The following GTF2IRD2 variants were observed in gnomAD, a reference collection of about 807,000 sequenced individuals.
The protein encoded by GTF2IRD2 is general transcription factor II-I repeat domain-containing protein 2A.
Under a neutral mutation model 49.2 loss-of-function variants are expected in GTF2IRD2, and 8 were observed. The ratio of observed to expected loss-of-function variants is 0.16; its 90% confidence interval spans 0.10 to 0.29. The LOEUF is 0.29. GTF2IRD2 is among the 10% of genes least tolerant of loss of function. The pLI, the probability that GTF2IRD2 is intolerant of heterozygous loss-of-function variation, is 1.00. For missense variants in GTF2IRD2, 130 were observed against 725.7 expected (o/e 0.18, Z 9.43); for synonymous variants, 47 against 289.7 (o/e 0.16, Z 8.51).
chr7:74,839,898 G>A (rs1800640700), intron 1 of GTF2IRD2, among the ~76,000 whole-genome samples: 1 of 133,332 alleles, frequency 7.5e-6, no homozygotes, highest in Non-Finnish European at 1.6e-5. Context: ...TACTCCGGAG[G>A]CTGAGGCAGG....
chr7:74,808,787 C>G (rs1381707714), intron 11 of GTF2IRD2, among the ~76,000 whole-genome samples: 29 of 74,940 alleles, frequency 3.9e-4, no homozygotes, highest in African/African-American at 1.0e-3. Context: ...ACCCAGGCTG[C>G]AGTACAGTGG....
intron 3 of GTF2IRD2, among the ~76,000 whole-genome samples, chr7:74,828,730 ACACAGTTTTGGAAGT>A (rs1238170514): frequency 1.5e-5 from 1 of 65,688 alleles, no homozygotes. Flanking sequence ...CTTCTGTTCA[ACACAGTTTTGGAAGT>A]CCTAGCCGAG....
At chr7:74,818,445 CCT>C (rs781997059) in intron 8 of GTF2IRD2, among the ~76,000 whole-genome samples, 6 of 99,358 alleles carry the variant, frequency 6.0e-5, no homozygotes, top group South Asian at 3.5e-4. Context: ...TAGAAGGCTC[CCT>C]CTCTCTCTCT....
chr7:74,822,453 G>T lies in GTF2IRD2; in HGVS notation c.545C>A (p.Pro182His). Reference sequence around the variant, plus strand: ...CAGCTGACTCTCTGGTCCTAGGAAGGGTCTGCAAGAAAAGCAACACCATTA... The same window carrying T: ...CAGCTGACTCTCTGGTCCTAGGAAGTGTCTGCAAGAAAAGCAACACCATTA... ...KAGISFIINR[P>H]FLGPESQLGG... The change falls in exon 6 of 16, where the codon CCC becomes CAC. Residue 182 changes from proline (P) to histidine (H), a missense_variant and splice_region_variant. By Grantham distance (77) the Pro-to-His change is moderately conservative. Coordinates refer to ENST00000451013, the MANE Select transcript of GTF2IRD2 (RefSeq NM_173537.5). 2 of 860,512 alleles carry T rather than the reference G, an allele frequency of 2.3e-6. No homozygotes were observed. The highest frequency in any genetic ancestry group is 2.6e-5 in the East Asian group (1 of 37,998). 53.3% of individuals were successfully genotyped at this position (860,512 alleles called of 1,614,324 possible).
chr7:74,842,231 CT>C (rs71267867), intron 1 of GTF2IRD2, among the ~76,000 whole-genome samples: 1,472 of 121,850 alleles, frequency 0.012, 62 homozygotes, highest in Middle Eastern at 0.018. Context: ...TTTTAATTTT[CT>C]TTTTTTTTTT....
rs1554416147 is a variant in GTF2IRD2 at position 74,796,515 on chromosome 7, T to C, written c.*147A>G. The C allele has an allele frequency of 6.8e-6, 4 of 587,500 alleles. No homozygotes were observed. The Admixed American group carries it at 1.2e-4, about 18-fold the overall frequency. The allele number at this position is 587,500 out of a possible 1,614,324, so 36.4% of individuals were successfully genotyped here. On this transcript the variant is annotated 3_prime_UTR_variant, in exon 16 of 16. Transcript: ENST00000451013. ...AGCTGGAAGTTGCAGTAAGCCGAGA[T>C]CACGCCACTGCACTCCAACCTGGGC...
At chr7:74,799,086 T>C (rs1339099522) in intron 15 of GTF2IRD2, 2 of 115,660 alleles carry the variant, frequency 1.7e-5, no homozygotes, top group African/African-American at 3.4e-5. Flanking sequence ...GCTCAAGCGA[T>C]CCACCCGCCT....
chr7:74,838,379 A>AC lies in GTF2IRD2; in HGVS notation c.-5-1997_-5-1996insG, dbSNP rs1800495911. On this transcript the variant is annotated intron_variant, in intron 1 of 15. Coordinates refer to ENST00000451013, the MANE Select transcript of GTF2IRD2 (RefSeq NM_173537.5). ...AAAGCTCACTCTAAATTTTGCCAAGATTTTTTTTTTTTTTTTTAGCTTTTT... is the reference window on the plus strand; with the variant it reads ...AAAGCTCACTCTAAATTTTGCCAAGACTTTTTTTTTTTTTTTTTAGCTTTTT... Among the ~76,000 whole-genome samples the AC allele has an allele frequency of 1.9e-5, 2 of 107,258 alleles. 1 individual carries two copies. The allele number at this position is 107,258 out of a possible 152,430, so 70.4% of individuals were successfully genotyped here. A position where few individuals can be genotyped will look rare whatever the true frequency, so the allele number is the denominator to read the frequency against.
chr7:74,842,008 C>T (rs1306362560), intron 1 of GTF2IRD2, among the ~76,000 whole-genome samples: 3 of 129,014 alleles, frequency 2.3e-5, no homozygotes, highest in African/African-American at 9.9e-5. Context: ...CCTGTAGTCC[C>T]AGCTACTCGG....
At chr7:74,823,687 TG>T (rs201963585) in intron 4 of GTF2IRD2, among the ~76,000 whole-genome samples, 4,912 of 138,148 alleles carry the variant, frequency 0.036, 232 homozygotes, top group Non-Finnish European at 0.048. Context: ...GTAGGTGGAG[TG>T]ACAACTGAGG....
chr7:74,829,895 A>AAAAAAAAAAAAAG (rs1799694732), intron 3 of GTF2IRD2, among the ~76,000 whole-genome samples: 2 of 35,266 alleles, frequency 5.7e-5, no homozygotes, highest in African/African-American at 3.0e-4. Context: ...CTCAAAAAAA[A>AAAAAAAAAAAAAG]AAAAAAATTC....
rs2953664 is a variant in GTF2IRD2, at chr7:74,842,326, T to C, written c.-5-5943A>G. On this transcript the variant is annotated intron_variant, in intron 1 of 15. Transcript: ENST00000451013. ...TTCACTGCAACCTCTGCCTTCTGGG[T>C]TCAAGCGATTCTCCTGCCTCAGCCT... Among the ~76,000 whole-genome samples, 159 of 131,578 alleles carry C rather than the reference T, an allele frequency of 1.2e-3. 5 individuals are homozygous for C. Among genetic ancestry groups the C allele is most frequent in the African/African-American group, 3.9e-3 (125 of 31,752 alleles). 86.3% of individuals were successfully genotyped at this position (131,578 alleles called of 152,430 possible).
intron 3 of GTF2IRD2, among the ~76,000 whole-genome samples, chr7:74,829,396 CA>C (rs71288130): frequency 8.8e-4 from 18 of 20,354 alleles, no homozygotes; most frequent in Admixed American, 1.3e-3. Context: ...CTCTGTCTCT[CA>C]AAAAAAAAAA....
At chr7:74,836,506 T>G in intron 1 of GTF2IRD2, 123 bp from the exon 2 acceptor site, 1 of 713,318 alleles carries the variant, frequency 1.4e-6, no homozygotes, top group Non-Finnish European at 2.5e-6. Flanking sequence ...GAAACTGAAA[T>G]TTAAAGGCAT....
intron 6 of GTF2IRD2, 24 bp from the exon 7 acceptor site, chr7:74,820,047 C>T (rs1798819631): frequency 6.6e-7 from 1 of 1,516,106 alleles, no homozygotes; most frequent in South Asian, 1.1e-5. Flanking sequence ...AAAAAACACA[C>T]ACCAGCCCCT....
chr7:74,831,297 T>G (rs1474139760), intron 3 of GTF2IRD2, among the ~76,000 whole-genome samples: 1 of 150,736 alleles, frequency 6.6e-6, no homozygotes, highest in Non-Finnish European at 1.5e-5. Context: ...ATCTAAGCTA[T>G]CTACATACAT....
chr7:74,826,699 CTTTTTTTTTTTT>C (rs1175596623), intron 3 of GTF2IRD2, among the ~76,000 whole-genome samples: 3 of 16,600 alleles, frequency 1.8e-4, no homozygotes, highest in African/African-American at 1.0e-3. Context: ...TCATTTCATT[CTTTTTTTTTTTT>C]TTTTTTTTTT....
In GTF2IRD2 at chr7:74,839,220, G is replaced by A. The variant is rs1159362878; in HGVS notation, c.-5-2837C>T. Among the ~76,000 whole-genome samples, 3 of 33,906 alleles carry A rather than the reference G, an allele frequency of 8.8e-5. 1 individual carries two copies. Among genetic ancestry groups the A allele is most frequent in the Non-Finnish European group, 1.4e-4 (3 of 20,970 alleles). 22.2% of individuals were successfully genotyped at this position (33,906 alleles called of 152,430 possible). ...TGGGATTACAGGTGTGAGCCACCGC[G>A]CCCAGCCGGTATTGTTTTTCATAGC... On this transcript the variant is annotated intron_variant, in intron 1 of 15. Transcript: ENST00000451013.
Position 74,822,675 on chromosome 7 carries a change from G to A in GTF2IRD2, c.491C>T (p.Thr164Ile), listed in dbSNP as rs202076967. ...TTTGTTCTCCAAAATCCATTTCAGG[G>A]TTGCAAGGTCGTAATTCTCAGGGTG... ...FQHPENYDLA[T>I]LKWILENKAG... Residue 164 changes from threonine (T) to isoleucine (I), a missense_variant, in exon 5 of 16, where the codon ACC (threonine) becomes ATC (isoleucine). By Grantham distance (89) the Thr-to-Ile change is moderately conservative. Transcript: ENST00000451013. 2,034 of 649,594 alleles carry A rather than the reference G, an allele frequency of 3.1e-3. 34 individuals carry two copies. The highest frequency in any genetic ancestry group is 4.2e-3 in the Non-Finnish European group (1,602 of 385,512). The allele number at this position is 649,594 out of a possible 1,614,324, so 40.2% of individuals were successfully genotyped here.
Sources: gnomAD v4.1 joint callset for allele counts (sites outside exome capture counted in the v4.1 genomes callset) on GRCh38, gnomAD v4.1.1 for gene constraint, MANE v1.5 for transcripts, NCBI Gene and HGNC (gene_info 2026-07-23, HGNC 2026-07-21) for gene names.